EYS: variants seen among roughly 807,000 people sequenced by gnomAD.
EYS encodes EGF-like photoreceptor maintenance factor.
A neutral mutation model predicts 282.1 loss-of-function variants in EYS; 250 were observed. The ratio of observed to expected loss-of-function variants is 0.89; its 90% CI spans 0.80 to 0.98. The LOEUF (loss-of-function observed/expected upper bound fraction) is 0.98, where lower values mean the gene tolerates loss of function less well. Among genes scored for constraint, EYS ranks in the 50% least tolerant of loss-of-function variants. EYS has a pLI of 0.00. For missense variants in EYS, 4,016 were observed against 3,709.0 expected, an observed-to-expected ratio of 1.08 and a Z score of -2.15; for synonymous variants, 1,355 against 1,282.9, an observed-to-expected ratio of 1.06 and a Z score of -1.20.
intron 12 of EYS, among the ~76,000 whole-genome samples, chr6:65,146,233 A>G (rs1764474737): frequency 6.7e-6 from 1 of 148,288 alleles, no homozygotes; most frequent in South Asian, 2.1e-4. Flanking sequence ...CTTATTTGTA[A>G]GAAAACATTT....
At chr6:65,336,713 T>A (rs1291308234) in intron 10 of EYS, among the ~76,000 whole-genome samples, 1 of 150,548 alleles carries the variant, frequency 6.6e-6, no homozygotes, top group Non-Finnish European at 1.5e-5. Context: ...TTAAATAATA[T>A]CTTTCACACA....
intron 11 of EYS, among the ~76,000 whole-genome samples, chr6:65,314,822 T>C (rs562899028): frequency 1.3e-5 from 2 of 152,240 alleles, no homozygotes; most frequent in South Asian, 4.1e-4. Flanking sequence ...GGTCTGTTTA[T>C]CAGGGTAAAA....
chr6:65,402,701 A>C, intron 6 of EYS, 96 bp from the exon 7 acceptor site: 1 of 812,578 alleles, frequency 1.2e-6, no homozygotes, highest in African/African-American at 1.7e-5. Flanking sequence ...AATTATTTTC[A>C]TGAACTTGGA....
chr6:64,097,198 C>CA (rs1158101531), intron 31 of EYS, among the ~76,000 whole-genome samples: 2 of 152,198 alleles, frequency 1.3e-5, no homozygotes, highest in Non-Finnish European at 2.9e-5. Flanking sequence ...ACTCTGGGGT[C>CA]AGGGACCCAC....
At chr6:63,893,300 A>G (rs1773454427) in intron 35 of EYS, among the ~76,000 whole-genome samples, 1 of 152,222 alleles carries the variant, frequency 6.6e-6, no homozygotes, top group African/African-American at 2.4e-5. Flanking sequence ...TTCACTGATC[A>G]CAATAGCAAA....
intron 13 of EYS, among the ~76,000 whole-genome samples, chr6:65,018,643 G>A (rs1309461966): frequency 6.6e-6 from 1 of 152,190 alleles, no homozygotes; most frequent in Admixed American, 6.5e-5. Flanking sequence ...GTGTTTTGAT[G>A]TGAAGGAAGC....
intron 1 of EYS, among the ~76,000 whole-genome samples, chr6:65,661,266 T>G (rs917816993): frequency 6.6e-6 from 1 of 151,836 alleles, no homozygotes; most frequent in Non-Finnish European, 1.5e-5. Flanking sequence ...ACAATAAGCA[T>G]CTTTTGAGAA....
At chr6:64,643,110 CA>C (rs1293979802) in intron 22 of EYS, among the ~76,000 whole-genome samples, 2 of 71,938 alleles carry the variant, frequency 2.8e-5, no homozygotes. Context: ...AGTGAAACTC[CA>C]TCCCCCCCCC....
chr6:65,080,029 G>A (rs1774184332), intron 12 of EYS, among the ~76,000 whole-genome samples: 1 of 151,984 alleles, frequency 6.6e-6, no homozygotes, highest in South Asian at 2.1e-4. Context: ...TTTTTGAATT[G>A]GAACCAGTGA....
At chr6:64,524,439 GTAGA>G (rs758177987) in intron 26 of EYS, among the ~76,000 whole-genome samples, 74 of 151,884 alleles carry the variant, frequency 4.9e-4, no homozygotes, top group Admixed American at 2.0e-3. Context: ...TATTTCCTCT[GTAGA>G]TAGTTTCTTT....
chr6:64,028,219 A>G (rs1359850051), intron 33 of EYS, among the ~76,000 whole-genome samples: 1 of 152,216 alleles, frequency 6.6e-6, no homozygotes, highest in Non-Finnish European at 1.5e-5. Context: ...TTGGAAGGAC[A>G]ATTTGGAAGG....
chr6:65,453,395 ATTGACACATTG>A (rs1764478274), intron 5 of EYS, among the ~76,000 whole-genome samples: 1 of 151,956 alleles, frequency 6.6e-6, no homozygotes, highest in Non-Finnish European at 1.5e-5. Flanking sequence ...TGTTTTCTTA[ATTGACACATTG>A]TAATTGTACA....
chr6:63,721,853 A>G, intron 42 of EYS, 56 bp from the exon 43 acceptor site: 1 of 1,475,942 alleles, frequency 6.8e-7, no homozygotes, highest in Non-Finnish European at 9.0e-7. Flanking sequence ...TCCATTGAAA[A>G]CTTTTGCTGT....
chr6:64,478,362 C>T (rs75628430), intron 26 of EYS, among the ~76,000 whole-genome samples: 5,761 of 151,624 alleles, frequency 0.038, 268 homozygotes, highest in East Asian at 0.11. Context: ...ATAATAGATG[C>T]TTACTAAAAT....
intron 12 of EYS, among the ~76,000 whole-genome samples, chr6:65,290,787 A>T (rs1316892253): frequency 6.6e-6 from 1 of 151,424 alleles, no homozygotes; most frequent in African/African-American, 2.4e-5. Flanking sequence ...TTTATTAAAC[A>T]GCTGTTGTGC....
chr6:63,857,062 C>CT (rs1772411881), intron 36 of EYS, among the ~76,000 whole-genome samples: 1 of 152,168 alleles, frequency 6.6e-6, no homozygotes, highest in African/African-American at 2.4e-5. Context: ...CAGAAAGTTT[C>CT]TTACTGAACA....
At chr6:64,083,955 C>T (rs1227768809) in intron 31 of EYS, among the ~76,000 whole-genome samples, 1 of 152,182 alleles carries the variant, frequency 6.6e-6, no homozygotes, top group African/African-American at 2.4e-5. Context: ...CCAGGCTGCT[C>T]TCTAACTCCT....
At chr6:65,236,807 C>T (rs1036857025) in intron 12 of EYS, among the ~76,000 whole-genome samples, 1 of 152,080 alleles carries the variant, frequency 6.6e-6, no homozygotes. Context: ...GTGAAACTTT[C>T]GTCACAGCAA....
intron 5 of EYS, among the ~76,000 whole-genome samples, chr6:65,472,869 T>A (rs1021286004): frequency 5.3e-5 from 8 of 151,990 alleles, no homozygotes; most frequent in African/African-American, 1.7e-4. Flanking sequence ...TATTTTTTTT[T>A]AATAATATGC....
Sources: gnomAD v4.1 joint callset for allele counts (sites outside exome capture counted in the v4.1 genomes callset) on GRCh38, gnomAD v4.1.1 for gene constraint, MANE v1.5 for transcripts, NCBI Gene and HGNC (gene_info 2026-07-23, HGNC 2026-07-21) for gene names.